The following LRFN2 variants were observed in gnomAD, a reference collection of about 807,000 sequenced individuals.
LRFN2 encodes the protein leucine-rich repeat and fibronectin type-III domain-containing protein 2.
In LRFN2, 18 loss-of-function variants were observed where a neutral mutation model predicts 37.3. That is an observed-to-expected ratio of 0.48 (90% CI 0.33 to 0.72). The LOEUF (loss-of-function observed/expected upper bound fraction) is 0.72, where lower values mean the gene tolerates loss of function less well. Among genes scored for constraint, LRFN2 ranks in the 30% least tolerant of loss-of-function variants. The probability of loss-of-function intolerance (pLI) is 0.02; values close to 1 mark genes in which losing one functional copy is unlikely to be tolerated. For missense variants in LRFN2, 1,006 were observed against 1,060.7 expected, an observed-to-expected ratio of 0.95 and a Z score of 0.72; for synonymous variants, 556 against 466.6, an observed-to-expected ratio of 1.19 and a Z score of -2.47.
chr6:40,582,489 T>C (rs1767422322), intron 1 of LRFN2, among the ~76,000 whole-genome samples: 1 of 152,054 alleles, frequency 6.6e-6, no homozygotes, highest in South Asian at 2.1e-4. Flanking sequence ...TAATCCAGCT[T>C]GGCACAGTTT....
intron 1 of LRFN2, among the ~76,000 whole-genome samples, chr6:40,434,536 G>C (rs923452044): frequency 2.0e-5 from 3 of 151,352 alleles, no homozygotes; most frequent in Admixed American, 1.3e-4. Context: ...GAGCGCAGTG[G>C]CGCAATCTTG....
intron 1 of LRFN2, among the ~76,000 whole-genome samples, chr6:40,540,945 G>C (rs1766544226): frequency 6.6e-6 from 1 of 152,232 alleles, no homozygotes; most frequent in African/African-American, 2.4e-5. Context: ...CTGGGGGTCA[G>C]GAGGGAATGA....
chr6:40,575,026 T>C (rs1432713813), intron 1 of LRFN2, among the ~76,000 whole-genome samples: 1 of 152,118 alleles, frequency 6.6e-6, no homozygotes, highest in Admixed American at 6.5e-5. Flanking sequence ...ACTCCAGCCA[T>C]GGCAATGGGT....
chr6:40,465,484 C>T (rs1764439967), intron 1 of LRFN2, among the ~76,000 whole-genome samples: 1 of 152,182 alleles, frequency 6.6e-6, no homozygotes, highest in East Asian at 1.9e-4. Context: ...GCTCTCACTT[C>T]CTTACTTCTC....
chr6:40,525,281 C>T (rs570116301), intron 1 of LRFN2, among the ~76,000 whole-genome samples: 1 of 152,284 alleles, frequency 6.6e-6, no homozygotes, highest in African/African-American at 2.4e-5. Flanking sequence ...CAAGGGCGGC[C>T]CTGCTGCAGG....
intron 2 of LRFN2, 105 bp downstream of exon 2, chr6:40,431,608 CT>C (rs1039032627): frequency 5.2e-5 from 52 of 994,554 alleles, no homozygotes; most frequent in Non-Finnish European, 7.2e-5. Flanking sequence ...CCACAGACAC[CT>C]TTGGGGAAGA....
chr6:40,455,402 G>A (rs1243087417), intron 1 of LRFN2, among the ~76,000 whole-genome samples: 1 of 152,186 alleles, frequency 6.6e-6, no homozygotes, highest in Non-Finnish European at 1.5e-5. Flanking sequence ...TGTGGGGTCT[G>A]GCATAAGCCC....
chr6:40,515,488 G>T (rs936825035), intron 1 of LRFN2, among the ~76,000 whole-genome samples: 9 of 152,184 alleles, frequency 5.9e-5, no homozygotes, highest in African/African-American at 2.2e-4. Flanking sequence ...GCTCCCAGCT[G>T]CCAGTACCTA....
intron 1 of LRFN2, among the ~76,000 whole-genome samples, chr6:40,567,262 A>G (rs1367861582): frequency 1.3e-5 from 2 of 152,174 alleles, no homozygotes; most frequent in Non-Finnish European, 2.9e-5. Flanking sequence ...CTGGATTCCA[A>G]TGAGGAAAGA....
chr6:40,568,611 T>A (rs1767132167), intron 1 of LRFN2, among the ~76,000 whole-genome samples: 2 of 152,208 alleles, frequency 1.3e-5, no homozygotes, highest in Admixed American at 1.3e-4. Context: ...GCCTACTGTA[T>A]CCTCTGAGTC....
At chr6:40,393,999 T>C (rs1762566257) in intron 2 of LRFN2, among the ~76,000 whole-genome samples, 2 of 152,136 alleles carry the variant, frequency 1.3e-5, no homozygotes, top group South Asian at 4.1e-4. Context: ...CACTTCTGCA[T>C]CCCAGAGGAA....
At chr6:40,469,081 C>A (rs1489777010) in intron 1 of LRFN2, among the ~76,000 whole-genome samples, 1 of 152,132 alleles carries the variant, frequency 6.6e-6, no homozygotes, top group Non-Finnish European at 1.5e-5. Context: ...CGGGTGGGCC[C>A]TAAATCCCAT....
rs192096595 is a variant in LRFN2, at chr6:40,520,278, G to T, written c.-19+66663C>A. ...ACGGCAGTGATGAAGGGGTGGAGGAGTGCAGAGGGGCTGGGAGACAGGACA... is the reference window on the plus strand; with the variant it reads ...ACGGCAGTGATGAAGGGGTGGAGGATTGCAGAGGGGCTGGGAGACAGGACA... On this transcript the variant is annotated intron_variant, in intron 1 of 2. Transcript: ENST00000338305. 2.0e-5 allele frequency among the ~76,000 whole-genome samples: 3 copies of T among 152,222 alleles called. No homozygotes were observed. The East Asian group carries it at 5.8e-4, about 29-fold the overall frequency.
At chr6:40,516,217 A>G (rs1310156743) in intron 1 of LRFN2, 1 of 152,208 alleles carries the variant, frequency 6.6e-6, no homozygotes. Flanking sequence ...GGGAGCAGTG[A>G]CTCAGCACAG....
chr6:40,540,476 C>T (rs556874087), intron 1 of LRFN2, among the ~76,000 whole-genome samples: 10 of 152,156 alleles, frequency 6.6e-5, no homozygotes, highest in African/African-American at 2.2e-4. Flanking sequence ...ACCACAGGGG[C>T]GGGGAGCACT....
chr6:40,435,090 G>C (rs867089562), intron 1 of LRFN2, among the ~76,000 whole-genome samples: 20 of 120,152 alleles, frequency 1.7e-4, no homozygotes, highest in Middle Eastern at 4.2e-3. Context: ...GAGAGAGAGA[G>C]ACAGAGAGAT....
chr6:40,543,860 T>C (rs762212564), intron 1 of LRFN2, among the ~76,000 whole-genome samples: 1 of 152,226 alleles, frequency 6.6e-6, no homozygotes, highest in Non-Finnish European at 1.5e-5. Context: ...TGAGAGTGTC[T>C]TGCCCTTGGT....
intron 1 of LRFN2, among the ~76,000 whole-genome samples, chr6:40,478,923 A>G (rs148192334): frequency 0.014 from 2,131 of 152,370 alleles, 34 homozygotes; most frequent in Non-Finnish European, 0.015. Context: ...ACTGAATTGA[A>G]TCTAGCACCA....
chr6:40,510,855 G>A (rs1765687209), intron 1 of LRFN2, among the ~76,000 whole-genome samples: 1 of 152,164 alleles, frequency 6.6e-6, no homozygotes, highest in Non-Finnish European at 1.5e-5. Context: ...GCATTGGGAA[G>A]ACGAGACTCA....
Sources: gnomAD v4.1 joint callset for allele counts (sites outside exome capture counted in the v4.1 genomes callset) on GRCh38, gnomAD v4.1.1 for gene constraint, MANE v1.5 for transcripts, NCBI Gene and HGNC (gene_info 2026-07-23, HGNC 2026-07-21) for gene names.